Variants in TTC8 observed in about 807,000 individuals in gnomAD.
The protein encoded by TTC8 is tetratricopeptide repeat protein 8.
TTC8 carries 47 observed loss-of-function variants against 72.5 expected under a neutral mutation model. The observed-to-expected ratio is 0.65, with a 90% CI of 0.51 to 0.83. TTC8 has a LOEUF of 0.83. Among genes scored for constraint, TTC8 ranks in the 40% least tolerant of loss-of-function variants. The pLI is 0.00. For synonymous variants in TTC8, 199 were observed against 221.4 expected (o/e 0.90, Z 0.90); for missense variants, 611 against 623.2 (o/e 0.98, Z 0.21).
In TTC8 at chr14:88,857,203, C is replaced by T. The variant is rs532733379; in HGVS notation, c.724C>T (p.Arg242Cys). 27 of 1,613,674 alleles carry T rather than the reference C, an allele frequency of 1.7e-5. No individual in the cohort carries two copies. In the East Asian group the frequency reaches 1.8e-4, roughly 11 times the overall value. The change falls in exon 9 of 15, where the codon CGT becomes TGT. Residue 242 changes from arginine to cysteine, a missense_variant. Arg to Cys is a radical substitution (Grantham distance 180). Coordinates refer to ENST00000380656, the MANE Select transcript of TTC8 (RefSeq NM_144596.4). ...GKCYYRLGMY[R>C]EAEKQFKSAL... is the part of the protein sequence containing the mutation. Reference sequence around the variant, plus strand: ...TGCTATTTGTAGGTTGGGAATGTATCGTGAAGCAGAAAAACAGTTTAAATC... The same window carrying T: ...TGCTATTTGTAGGTTGGGAATGTATTGTGAAGCAGAAAAACAGTTTAAATC...
At chr14:88,866,921 G>A (rs1200856254) in intron 10 of TTC8, among the ~76,000 whole-genome samples, 1 of 152,118 alleles carries the variant, frequency 6.6e-6, no homozygotes, top group African/African-American at 2.4e-5. Context: ...TGAATTGGCA[G>A]TTCACTGAAA....
intron 2 of TTC8, among the ~76,000 whole-genome samples, chr14:88,835,844 A>G (rs1165009506): frequency 6.6e-6 from 1 of 152,116 alleles, no homozygotes; most frequent in Non-Finnish European, 1.5e-5. Context: ...TCCAAAGTAA[A>G]AAAAAATTAT....
At chr14:88,879,652 ATT>A (rs2094967824), downstream of TTC8, 1 of 2,554 alleles carries the variant, frequency 3.9e-4, no homozygotes, top group African/African-American at 6.5e-4. Flanking sequence ...GTGTCACTAC[ATT>A]ATTATTATTA....
chr14:88,839,373 G>A (rs1266809882), intron 2 of TTC8, 79 bp from the exon 3 acceptor site: 2 of 1,437,622 alleles, frequency 1.4e-6, no homozygotes, highest in East Asian at 4.8e-5. Context: ...TAACAACAAT[G>A]AAGGATGGCT....
At chr14:88,855,941 C>T (rs1005856466) in intron 8 of TTC8, among the ~76,000 whole-genome samples, 3 of 152,150 alleles carry the variant, frequency 2.0e-5, no homozygotes, top group South Asian at 2.1e-4. Context: ...AAAAGTTAGT[C>T]GGGCATAGTG....
At chr14:88,870,825 G>A (rs551444010) in intron 11 of TTC8, among the ~76,000 whole-genome samples, 201 of 152,266 alleles carry the variant, frequency 1.3e-3, no homozygotes, top group Non-Finnish European at 2.2e-3. Flanking sequence ...AATATGTGTT[G>A]GAGGCATAAA....
intron 7 of TTC8, chr14:88,846,583 G>T: frequency 7.3e-7 from 1 of 1,368,398 alleles, no homozygotes; most frequent in Non-Finnish European, 1.0e-6. Context: ...TGGTGACAAT[G>T]TTTTTTATTA....
intron 1 of TTC8, among the ~76,000 whole-genome samples, chr14:88,832,478 C>CAA (rs1018394976): frequency 6.7e-6 from 1 of 149,198 alleles, no homozygotes; most frequent in Non-Finnish European, 1.5e-5. Flanking sequence ...GTCCAACTCT[C>CAA]TTTTTTTTTT....
Position 88,843,485 on chromosome 14 carries a change from CTG to C in TTC8, c.580-319_580-318del, listed in dbSNP as rs1348508866. 9.9e-5 allele frequency among the ~76,000 whole-genome samples: 15 copies of C among 152,080 alleles called. 1 individual carries two copies. The highest frequency in any genetic ancestry group is 3.6e-4 in the African/African-American group (15 of 41,404). ...ATTATCATTATTAATATCATAATCA[CTG>C]TATAATATATGTAGAGAATATAAAG... On this transcript the variant is annotated intron_variant, in intron 6 of 14. Transcript: ENST00000380656.
intron 10 of TTC8, among the ~76,000 whole-genome samples, chr14:88,864,246 T>C (rs1269924689): frequency 1.3e-5 from 2 of 152,254 alleles, no homozygotes; most frequent in African/African-American, 4.8e-5. Context: ...ATGTAATTTT[T>C]ATAAATGTAT....
intron 2 of TTC8, among the ~76,000 whole-genome samples, chr14:88,835,192 A>G (rs997488369): frequency 6.6e-6 from 1 of 152,238 alleles, no homozygotes; most frequent in Non-Finnish European, 1.5e-5. Context: ...TATTCTAATA[A>G]TAACCTAAAA....
Position 88,840,886 on chromosome 14 carries a change from T to C in TTC8, c.287T>C (p.Leu96Pro). Residue 96 changes from leucine (L) to proline (P), a missense_variant, in exon 4 of 15, where the codon CTC becomes CCC. By Grantham distance (98) the Leu-to-Pro change is moderately conservative. Coordinates refer to ENST00000380656, the MANE Select transcript of TTC8 (RefSeq NM_144596.4). ...QVPRPGTSLK[L>P]PGTNQTGGPS... ...CTAGGCCCTGGAACGTCTTTGAAAC[T>C]CCCTGGAACTAATCAGACAGGAGGG... is the stretch of plus-strand genomic sequence containing the variant. 1 of 1,614,108 alleles carries C rather than the reference T, an allele frequency of 6.2e-7. No homozygotes were observed. Among genetic ancestry groups the C allele is most frequent in the Non-Finnish European group, 8.5e-7 (1 of 1,179,990 alleles).
At chr14:88,863,841 G>A (rs1566853671) in intron 10 of TTC8, among the ~76,000 whole-genome samples, 1 of 152,090 alleles carries the variant, frequency 6.6e-6, no homozygotes, top group Non-Finnish European at 1.5e-5. Context: ...TTTGATACTA[G>A]CAACTCTTTA....
chr14:88,864,240 A>T (rs2094900249), intron 10 of TTC8, among the ~76,000 whole-genome samples: 1 of 152,232 alleles, frequency 6.6e-6, no homozygotes, highest in Admixed American at 6.5e-5. Flanking sequence ...TTTGAAATGT[A>T]ATTTTTATAA....
intron 3 of TTC8, 97 bp downstream of exon 3, chr14:88,839,669 T>TAC (rs2094770884): frequency 7.4e-7 from 1 of 1,346,680 alleles, no homozygotes; most frequent in Non-Finnish European, 1.0e-6. Flanking sequence ...TTCTACACTT[T>TAC]ATATATATAA....
intron 8 of TTC8, among the ~76,000 whole-genome samples, chr14:88,853,408 T>C (rs2094842565): frequency 6.6e-6 from 1 of 152,210 alleles, no homozygotes. Flanking sequence ...GTTCTCTTGG[T>C]AATCAAATCT....
intron 8 of TTC8, among the ~76,000 whole-genome samples, chr14:88,856,907 A>G (rs1483318827): frequency 6.6e-6 from 1 of 152,128 alleles, no homozygotes. Flanking sequence ...TGGGTGGTGA[A>G]CTGATGTGAC....
intron 9 of TTC8, among the ~76,000 whole-genome samples, chr14:88,859,079 A>G (rs1274143628): frequency 2.6e-5 from 4 of 151,964 alleles, no homozygotes; most frequent in Non-Finnish European, 2.9e-5. Flanking sequence ...CTGTTTTTCC[A>G]TAAATTGATT....
At chr14:88,870,804 G>T (rs922813378) in intron 11 of TTC8, among the ~76,000 whole-genome samples, 1 of 152,140 alleles carries the variant, frequency 6.6e-6, no homozygotes, top group Non-Finnish European at 1.5e-5. Context: ...AGCTGACAAG[G>T]GTTCTTTCCA....
Sources: gnomAD v4.1 joint callset for allele counts (sites outside exome capture counted in the v4.1 genomes callset) on GRCh38, gnomAD v4.1.1 for gene constraint, MANE v1.5 for transcripts, NCBI Gene and HGNC (gene_info 2026-07-23, HGNC 2026-07-21) for gene names.